KRT78: variants seen among roughly 807,000 people sequenced by gnomAD.
KRT78 encodes the protein keratin, type II cytoskeletal 78.
In KRT78, 55 loss-of-function variants were observed where a neutral mutation model predicts 51.4. The observed-to-expected ratio is 1.07, with a 90% CI of 0.86 to 1.34. The LOEUF is 1.34. Ranked by LOEUF, KRT78 falls within the 40% of genes most tolerant of loss-of-function variation. The pLI is 0.00. For synonymous variants in KRT78, 291 were observed against 264.3 expected (o/e 1.10, Z -0.98); for missense variants, 652 against 649.4 (o/e 1.00, Z -0.04).
intron 7 of KRT78, 22 bp from the exon 8 acceptor site, chr12:52,839,509 G>A (rs757348008): frequency 2.6e-6 from 4 of 1,566,708 alleles, no homozygotes; most frequent in Non-Finnish European, 3.5e-6. Flanking sequence ...AGGACAAGAG[G>A]GGGATGCGCT....
At chr12:52,840,495 G>A (rs942713076) in intron 6 of KRT78, among the ~76,000 whole-genome samples, 2 of 152,172 alleles carry the variant, frequency 1.3e-5, no homozygotes, top group Middle Eastern at 3.4e-3. Flanking sequence ...AAGGTGAGGA[G>A]TTCGAGACAA....
At position 52,848,955 on chromosome 12, in the gene KRT78, T is replaced by G. The variant is rs1296774609; in HGVS notation, c.-25A>C. Reference sequence around the variant, plus strand: ...TGGCAGAGACAGACAGTCACGCAGCTGCAGACGGACAGACAGATTGTCAAG... The same window carrying G: ...TGGCAGAGACAGACAGTCACGCAGCGGCAGACGGACAGACAGATTGTCAAG... On this transcript the variant is annotated 5_prime_UTR_variant, in exon 1 of 9. Transcript: ENST00000304620. 1.3e-6 allele frequency: 2 copies of G among 1,519,590 alleles called. No homozygotes were observed. The highest frequency in any genetic ancestry group is 2.6e-5 in the South Asian group (2 of 77,066). 94.1% of individuals were successfully genotyped at this position (1,519,590 alleles called of 1,614,324 possible).
rs1444060983 is a variant in KRT78, at chr12:52,839,916, C to A, written c.1116G>T (p.Gln372His). 1 of 1,613,986 alleles carries A rather than the reference C, an allele frequency of 6.2e-7. No individual in the cohort carries two copies. The change falls in exon 7 of 9, where the codon CAG becomes CAT. Residue 372 changes from glutamine (Q) to histidine (H), a missense_variant. Transcript: ENST00000304620. Reference sequence around the variant, plus strand: ...CAGCCTCCAGCTCGTCCACCTTGGCCTGAGCGTCCTTGAGGGCCAGCTCCC... The same window carrying A: ...CAGCCTCCAGCTCGTCCACCTTGGCATGAGCGTCCTTGAGGGCCAGCTCCC... ...QRGELALKDA[Q>H]AKVDELEAAL...
At chr12:52,846,154 G>T in intron 4 of KRT78, 43 bp downstream of exon 4, 1 of 1,410,936 alleles carries the variant, frequency 7.1e-7, no homozygotes, top group Non-Finnish European at 1.0e-6. Context: ...TGCCCACCCA[G>T]TCCTCTCTCT....
chr12:52,841,865 T>C (rs1940508121), intron 6 of KRT78, among the ~76,000 whole-genome samples: 1 of 152,124 alleles, frequency 6.6e-6, no homozygotes, highest in Non-Finnish European at 1.5e-5. Flanking sequence ...CAGACCCAGG[T>C]ACCCAGTACA....
intron 2 of KRT78, 112 bp from the exon 3 acceptor site, chr12:52,846,936 A>G: frequency 1.3e-6 from 1 of 746,810 alleles, no homozygotes. Flanking sequence ...AATGCCCCCA[A>G]ACAAGACAAT....
intron 6 of KRT78, among the ~76,000 whole-genome samples, chr12:52,840,920 C>T (rs1341654835): frequency 6.6e-6 from 1 of 152,036 alleles, no homozygotes; most frequent in African/African-American, 2.4e-5. Flanking sequence ...TTTAAGCCAC[C>T]CGATTTGTGG....
In KRT78 at chr12:52,844,740, C is replaced by T; in HGVS notation, c.757-17G>A. ...GCCCAGCTCCTGCAGGGAAGACAGA[C>T]TCAGTGTCCACTCACCCCCAGCTCC... is the stretch of plus-strand genomic sequence containing the variant. On this transcript the variant is annotated splice_polypyrimidine_tract_variant and intron_variant, in intron 4 of 8. Coordinates refer to ENST00000304620, the MANE Select transcript of KRT78 (RefSeq NM_173352.4). 1 of 1,596,552 alleles carries T rather than the reference C, an allele frequency of 6.3e-7. No homozygotes were observed. Among genetic ancestry groups the T allele is most frequent in the Non-Finnish European group, 8.6e-7 (1 of 1,169,546 alleles).
chr12:52,843,152 A>G (rs1269604003), intron 6 of KRT78, among the ~76,000 whole-genome samples: 3 of 150,704 alleles, frequency 2.0e-5, no homozygotes, highest in Non-Finnish European at 3.0e-5. Flanking sequence ...AGATCACTTG[A>G]GGTCAGGAGT....
rs140566804 is a variant in KRT78 at position 52,844,296 on chromosome 12, CCT to C, written c.922-80_922-79del. 1,781 of 1,476,766 alleles carry C rather than the reference CCT, an allele frequency of 1.2e-3. 15 individuals are homozygous for C. In the African/African-American group the frequency reaches 0.021, roughly 18 times the overall value. The allele number at this position is 1,476,766 out of a possible 1,614,324, so 91.5% of individuals were successfully genotyped here. A position where few individuals can be genotyped will look rare whatever the true frequency, so the allele number is the denominator to read the frequency against. On this transcript the variant is annotated intron_variant, in intron 5 of 8. Transcript: ENST00000304620. ...CCATCTCCTCATGTTTGAAAAGCCACCTCTCACTCCTTATTTGGAGTGTGGGT... is the reference window on the plus strand; with the variant it reads ...CCATCTCCTCATGTTTGAAAAGCCACCTCACTCCTTATTTGGAGTGTGGGT...
At position 52,839,159 on chromosome 12, in the gene KRT78, AG is replaced by A; in HGVS notation, c.1516del (p.Leu506Ter). Reference sequence around the variant, plus strand: ...CAGACTCGACTCAACTGTCTTCTTCAGGATGGTGTGGCAGCTGGAGCCAGCG... The same window carrying A: ...CAGACTCGACTCAACTGTCTTCTTCAGATGGTGTGGCAGCTGGAGCCAGCG... ...SSAGSSCHTI[L>X]KKTVESSLKT... On this transcript the variant is annotated frameshift_variant, in exon 9 of 9. Coordinates refer to ENST00000304620, the MANE Select transcript of KRT78 (RefSeq NM_173352.4). LOFTEE classifies it high-confidence loss of function. 6.2e-7 allele frequency: 1 copy of A among 1,613,492 alleles called. No individual in the cohort carries two copies. Among genetic ancestry groups the A allele is most frequent in the Non-Finnish European group, 8.5e-7 (1 of 1,179,910 alleles).
At chr12:52,842,725 T>C (rs1234166117) in intron 6 of KRT78, among the ~76,000 whole-genome samples, 1 of 150,276 alleles carries the variant, frequency 6.7e-6, no homozygotes, top group East Asian at 2.0e-4. Flanking sequence ...CGAGACCAGC[T>C]TGGCCAACAT....
chr12:52,844,349 G>A (rs1940590119), intron 5 of KRT78, 131 bp from the exon 6 acceptor site: 2 of 1,218,336 alleles, frequency 1.6e-6, no homozygotes, highest in African/African-American at 3.0e-5. Flanking sequence ...GGACACAGTG[G>A]GATATACTTC....
chr12:52,846,925 G>T, intron 2 of KRT78, 101 bp from the exon 3 acceptor site: 1 of 826,284 alleles, frequency 1.2e-6, no homozygotes, highest in South Asian at 1.5e-5. Context: ...CCTTGCCTTA[G>T]AATGCCCCCA....
intron 6 of KRT78, among the ~76,000 whole-genome samples, chr12:52,842,990 G>A (rs1177708858): frequency 1.1e-5 from 1 of 88,812 alleles, no homozygotes; most frequent in African/African-American, 4.7e-5. Flanking sequence ...AGGAAGGAAG[G>A]AAGGAAGGAA....
Position 52,848,646 on chromosome 12 carries a change from T to C in KRT78, c.285A>G (p.Pro95=). The C allele has an allele frequency of 6.2e-7, 1 of 1,613,988 alleles. No individual in the cohort carries two copies. Among genetic ancestry groups the C allele is most frequent in the East Asian group, 2.2e-5 (1 of 44,882 alleles). The change falls in exon 1 of 9, where the codon CCA becomes CCG. Residue 95 remains proline (P), a synonymous_variant. Transcript: ENST00000304620. ...EVTINQNLLT[P]LKIEIDPQFQ... ...ACTGGGGATCGATCTCAATCTTCAGTGGGGTCAGCAGATTCTGGTTGATGG... is the reference window on the plus strand; with the variant it reads ...ACTGGGGATCGATCTCAATCTTCAGCGGGGTCAGCAGATTCTGGTTGATGG...
At position 52,844,211 on chromosome 12, in the gene KRT78, T is replaced by C. The variant is rs1940585659; in HGVS notation, c.929A>G (p.Glu310Gly). Reference sequence around the variant, plus strand: ...ATGAAGCTGGGCAGACACCTGAAGTTCCTGGTACTGAGAGGGGAACAGAGG... The same window carrying C: ...ATGAAGCTGGGCAGACACCTGAAGTCCCTGGTACTGAGAGGGGAACAGAGG... The part of the protein sequence containing the change: ...AEALYQTKYQ[E>G]LQVSAQLHGD... The change falls in exon 6 of 9, where the codon GAA (glutamate) becomes GGA (glycine). Residue 310 changes from glutamate to glycine, a missense_variant. Glu to Gly is a moderately conservative substitution (Grantham distance 98, BLOSUM62 -2). Coordinates refer to ENST00000304620, the MANE Select transcript of KRT78 (RefSeq NM_173352.4). The C allele has an allele frequency of 6.3e-7, 1 of 1,599,426 alleles. No individual in the cohort carries two copies. Among genetic ancestry groups the C allele is most frequent in the Non-Finnish European group, 8.5e-7 (1 of 1,176,190 alleles).
rs761796444 is a variant in KRT78 at position 52,848,961 on chromosome 12, C to T, written c.-31G>A. The T allele has an allele frequency of 1.5e-5, 23 of 1,512,964 alleles. No homozygotes were observed. The highest frequency in any genetic ancestry group is 3.9e-5 in the South Asian group (3 of 76,072). The allele number at this position is 1,512,964 out of a possible 1,614,324, so 93.7% of individuals were successfully genotyped here. On this transcript the variant is annotated 5_prime_UTR_variant, in exon 1 of 9. Transcript: ENST00000304620. ...AGACAGACAGTCACGCAGCTGCAGA[C>T]GGACAGACAGATTGTCAAGGTGTGT...
At position 52,837,862 on chromosome 12, in the gene KRT78, G is replaced by A. The variant is rs1257678084; in HGVS notation, c.*1251C>T. 6.6e-6 allele frequency: 1 copy of A among 152,148 alleles called. No individual in the cohort carries two copies. The highest frequency in any genetic ancestry group is 1.9e-4 in the East Asian group (1 of 5,200). The allele number at this position is 152,148 out of a possible 1,614,324, so 9.4% of individuals were successfully genotyped here. On this transcript the variant is annotated 3_prime_UTR_variant, in exon 9 of 9. Transcript: ENST00000304620. ...CTTGGATGAATTTAGTTTCCTTCTGGGATCCTAGTGGCACTGTCGCCACAC... is the reference window on the plus strand; with the variant it reads ...CTTGGATGAATTTAGTTTCCTTCTGAGATCCTAGTGGCACTGTCGCCACAC...
Sources: gnomAD v4.1 joint callset for allele counts (sites outside exome capture counted in the v4.1 genomes callset) on GRCh38, gnomAD v4.1.1 for gene constraint, MANE v1.5 for transcripts, NCBI Gene and HGNC (gene_info 2026-07-23, HGNC 2026-07-21) for gene names.